Variants in PLB1 observed in about 807,000 individuals in gnomAD.
PLB1 encodes phospholipase B1, membrane-associated.
In PLB1, 242 loss-of-function variants were observed where a neutral mutation model predicts 227.4. The observed-to-expected ratio is 1.06, with a 90% confidence interval of 0.96 to 1.18. The LOEUF (loss-of-function observed/expected upper bound fraction) is 1.18. Among genes scored for constraint, PLB1 ranks in the 50% most tolerant of loss-of-function variants. PLB1 has a pLI of 0.00. For synonymous variants in PLB1, 757 were observed against 682.2 expected (o/e 1.11, Z -1.71); for missense variants, 1,858 against 1,816.3 (o/e 1.02, Z -0.42).
At chr2:28,512,383 A>G (rs998256399) in intron 1 of PLB1, among the ~76,000 whole-genome samples, 9 of 152,024 alleles carry the variant, frequency 5.9e-5, no homozygotes, top group African/African-American at 2.2e-4. Flanking sequence ...AATTCTTCAA[A>G]TACATATAAT....
At chr2:28,503,166 T>G (rs1390488581) in intron 1 of PLB1, among the ~76,000 whole-genome samples, 3 of 152,168 alleles carry the variant, frequency 2.0e-5, no homozygotes, top group Non-Finnish European at 2.9e-5. Context: ...TTATTTTTTA[T>G]TTTTTGAGAA....
At chr2:28,557,416 G>A (rs1194921408) in intron 17 of PLB1, among the ~76,000 whole-genome samples, 3 of 152,166 alleles carry the variant, frequency 2.0e-5, no homozygotes, top group East Asian at 3.9e-4. Context: ...AAAATCAGAC[G>A]GCAAATAGGT....
chr2:28,590,480 G>A (rs902028797), intron 29 of PLB1, among the ~76,000 whole-genome samples: 1 of 152,138 alleles, frequency 6.6e-6, no homozygotes, highest in South Asian at 2.1e-4. Flanking sequence ...GCGAGGAATC[G>A]AGACCTAGAA....
chr2:28,598,782 G>A (rs781766735), intron 35 of PLB1, 22 bp downstream of exon 35: 1 of 1,584,658 alleles, frequency 6.3e-7, no homozygotes, highest in South Asian at 1.1e-5. Context: ...GGGGAGGGAG[G>A]GAGCCTGCAG....
At chr2:28,598,135 C>G in intron 34 of PLB1, 87 bp downstream of exon 34, 3 of 1,110,638 alleles carry the variant, frequency 2.7e-6, no homozygotes, top group Non-Finnish European at 2.6e-6. Context: ...AGGTAAGCAG[C>G]AAATGACATC....
Position 28,605,864 on chromosome 2 carries a change from A to G in PLB1, c.2973A>G (p.Pro991=), listed in dbSNP as rs575347766. ...TTGGTCTCTTTCAGGATGGGCTCCC[A>G]GATACGTCCTTCTTTGCCCCAGACT... ...IQLPVLADGL[P]DTSFFAPDCI... The change falls in exon 42 of 58, where the codon CCA becomes CCG. Residue 991 remains proline (P), a synonymous_variant. Transcript: ENST00000327757. The G allele has an allele frequency of 1.9e-6, 3 of 1,613,374 alleles. No homozygotes were observed. Among genetic ancestry groups the G allele is most frequent in the South Asian group, 2.2e-5 (2 of 91,066 alleles).
intron 15 of PLB1, among the ~76,000 whole-genome samples, chr2:28,549,372 G>A (rs911468007): frequency 6.7e-6 from 1 of 148,838 alleles, no homozygotes; most frequent in African/African-American, 2.5e-5. Context: ...CCAAATAAGT[G>A]GATGAGAAAA....
At chr2:28,496,790 C>T (rs951727003) in intron 1 of PLB1, among the ~76,000 whole-genome samples, 13 of 152,188 alleles carry the variant, frequency 8.5e-5, no homozygotes, top group Non-Finnish European at 1.8e-4. Context: ...CCTCTTCTTC[C>T]CATCATTGGC....
At chr2:28,579,540 C>A in intron 22 of PLB1, 87 bp from the exon 23 acceptor site, 1 of 1,023,398 alleles carries the variant, frequency 9.8e-7, no homozygotes. Flanking sequence ...TGTGAGGACC[C>A]ATCTTTTCTA....
At chr2:28,498,547 C>T (rs1325337454) in intron 1 of PLB1, among the ~76,000 whole-genome samples, 1 of 152,194 alleles carries the variant, frequency 6.6e-6, no homozygotes, top group Non-Finnish European at 1.5e-5. Flanking sequence ...AGGTATGAGC[C>T]ACCACATCCA....
chr2:28,524,559 A>G (rs1274589032), intron 4 of PLB1, among the ~76,000 whole-genome samples: 1 of 152,244 alleles, frequency 6.6e-6, no homozygotes, highest in African/African-American at 2.4e-5. Context: ...GGTCCAAGGA[A>G]CATAGTTAAG....
In PLB1 at chr2:28,598,577, G is replaced by A. The variant is rs1683352234; in HGVS notation, c.2366-75G>A. The A allele has an allele frequency of 2.8e-5, 34 of 1,193,892 alleles. No homozygotes were observed. In the South Asian group the frequency reaches 3.4e-4, roughly 12 times the overall value. The allele number at this position is 1,193,892 out of a possible 1,614,324, so 74.0% of individuals were successfully genotyped here. On this transcript the variant is annotated intron_variant, in intron 34 of 57. Coordinates refer to ENST00000327757, the MANE Select transcript of PLB1 (RefSeq NM_153021.5). ...TAACACAGCCCACTTTGGGGACCTA[G>A]GTCCCACAGTACCAGAGAAGCTATT...
At chr2:28,496,425 A>C (rs982413637) in intron 1 of PLB1, among the ~76,000 whole-genome samples, 1 of 152,168 alleles carries the variant, frequency 6.6e-6, no homozygotes, top group Non-Finnish European at 1.5e-5. Context: ...GTCCGGTAGC[A>C]GTACCATGGT....
At chr2:28,597,093 C>G (rs532720678) in intron 33 of PLB1, among the ~76,000 whole-genome samples, 1 of 152,014 alleles carries the variant, frequency 6.6e-6, no homozygotes, top group African/African-American at 2.4e-5. Flanking sequence ...GGAACCCCAT[C>G]TCTACTAAAA....
intron 49 of PLB1, among the ~76,000 whole-genome samples, chr2:28,623,618 C>T (rs546161220): frequency 1.2e-4 from 19 of 152,232 alleles, no homozygotes; most frequent in Admixed American, 2.6e-4. Flanking sequence ...TGTTTGGCCA[C>T]GTACCTAGCT....
intron 17 of PLB1, among the ~76,000 whole-genome samples, chr2:28,558,650 G>T (rs1432840625): frequency 6.6e-6 from 1 of 152,070 alleles, no homozygotes; most frequent in African/African-American, 2.4e-5. Flanking sequence ...ATGTGGAAGG[G>T]TGCATGTGTG....
At chr2:28,500,102 TTAAA>T (rs1666914725) in intron 1 of PLB1, among the ~76,000 whole-genome samples, 1 of 152,228 alleles carries the variant, frequency 6.6e-6, no homozygotes, top group African/African-American at 2.4e-5. Context: ...ATGTTGTGAA[TTAAA>T]TAAATTGACT....
chr2:28,630,448 A>AC (rs1357602086), intron 53 of PLB1, 138 bp from the exon 54 acceptor site: 6 of 620,366 alleles, frequency 9.7e-6, no homozygotes, highest in East Asian at 5.6e-5. Context: ...CTTGTGTGTC[A>AC]CCCCCCGCCC....
chr2:28,613,793 C>G (rs570003926), intron 43 of PLB1, among the ~76,000 whole-genome samples: 7 of 152,128 alleles, frequency 4.6e-5, no homozygotes, highest in Non-Finnish European at 1.0e-4. Flanking sequence ...AAGCACAGAC[C>G]CCAGACTACA....
Sources: gnomAD v4.1 joint callset for allele counts (sites outside exome capture counted in the v4.1 genomes callset) on GRCh38, gnomAD v4.1.1 for gene constraint, MANE v1.5 for transcripts, NCBI Gene and HGNC (gene_info 2026-07-23, HGNC 2026-07-21) for gene names.